Variants in LYPD1 observed in about 807,000 individuals in gnomAD.
LYPD1 encodes ly6/PLAUR domain-containing protein 1.
A neutral mutation model predicts 14.2 loss-of-function variants in LYPD1; 14 were observed. The ratio of observed to expected loss-of-function variants is 0.99; its 90% CI spans 0.65 to 1.54. The LOEUF is 1.54. LYPD1 is among the 40% of genes most tolerant of loss of function. LYPD1 has a pLI of 0.00. For synonymous variants in LYPD1, 85 were observed against 70.6 expected (o/e 1.20, Z -1.02); for missense variants, 165 against 175.7 (o/e 0.94, Z 0.34).
At position 132,646,207 on chromosome 2, in the gene LYPD1, G is replaced by A. The variant is rs1322680245; in HGVS notation, c.264C>T (p.Cys88=). Residue 88 remains cysteine (C), a synonymous_variant, in exon 3 of 3, where the codon TGC becomes TGT. Coordinates refer to ENST00000397463, the MANE Select transcript of LYPD1 (RefSeq NM_144586.7). Reference sequence around the variant, plus strand: ...AAACTGAGTTCAGTTTCCCTGGGGAGCAGAAGGACTGGTACCCGGCAGAGG... The same window carrying A: ...AAACTGAGTTCAGTTTCCCTGGGGAACAGAAGGACTGGTACCCGGCAGAGG... ...LIASAGYQSF[C]SPGKLNSVCI... 6.2e-7 allele frequency: 1 copy of A among 1,606,322 alleles called. No homozygotes were observed. Among genetic ancestry groups the A allele is most frequent in the Non-Finnish European group, 8.5e-7 (1 of 1,175,524 alleles).
intron 2 of LYPD1, among the ~76,000 whole-genome samples, chr2:132,648,205 C>T (rs1308741435): frequency 6.6e-6 from 1 of 152,218 alleles, no homozygotes; most frequent in Non-Finnish European, 1.5e-5. Flanking sequence ...AAAACATTAA[C>T]TGGCATTTAT....
chr2:132,649,559 A>C (rs1682272611), intron 2 of LYPD1, among the ~76,000 whole-genome samples: 2 of 152,186 alleles, frequency 1.3e-5, no homozygotes, highest in African/African-American at 4.8e-5. Flanking sequence ...ATGTGATTGA[A>C]TACCACACAG....
At chr2:132,650,300 G>GTTTA (rs1558875912) in intron 2 of LYPD1, among the ~76,000 whole-genome samples, 1 of 152,102 alleles carries the variant, frequency 6.6e-6, no homozygotes, top group Admixed American at 6.5e-5. Flanking sequence ...AGATTTAAAT[G>GTTTA]TTTATTATAA....
Position 132,670,010 on chromosome 2 carries a change from CGGCTGT to C in LYPD1, c.-84_-79del, listed in dbSNP as rs1683571911. On this transcript the variant is annotated 5_prime_UTR_variant, in exon 1 of 3. Transcript: ENST00000397463. The surrounding 1 kb of genome is among the most constrained non-coding windows in gnomAD (Gnocchi z 4.5). The stretch of plus-strand genomic sequence containing the variant: ...GCAGCGGAGGCTGCCCCGGCTGCAG[CGGCTGT>C]GGCTGCCGAGGCTGCTGGGGCCCGC... The C allele has an allele frequency of 6.3e-7, 1 of 1,578,878 alleles. No individual in the cohort carries two copies. The highest frequency in any genetic ancestry group is 2.3e-5 in the East Asian group (1 of 43,262).
At position 132,669,215 on chromosome 2, in the gene LYPD1, C is replaced by T. The variant is rs2104931366; in HGVS notation, c.52+666G>A. 6.6e-6 allele frequency among the ~76,000 whole-genome samples: 1 copy of T among 152,326 alleles called. No homozygotes were observed. The highest frequency in any genetic ancestry group is 1.9e-4 in the East Asian group (1 of 5,140). The stretch of plus-strand genomic sequence containing the variant: ...AGCGCGCGCACCCTGGATCCCCGAC[C>T]CCGCAGCCCTTTCTTCCAGGCCCCG... On this transcript the variant is annotated intron_variant, in intron 1 of 2. Coordinates refer to ENST00000397463, the MANE Select transcript of LYPD1 (RefSeq NM_144586.7). The surrounding 1 kb of genome is among the most constrained non-coding windows in gnomAD (Gnocchi z 4.3).
rs1682037192 is a variant in LYPD1 at position 132,645,797 on chromosome 2, C to T, written c.*248G>A. ...CAGCCTGGCCTTGACTCCGGTTACA[C>T]AGACATGGGGGTGAACTTTCACTCC... is the stretch of plus-strand genomic sequence containing the variant. On this transcript the variant is annotated 3_prime_UTR_variant, in exon 3 of 3. Coordinates refer to ENST00000397463, the MANE Select transcript of LYPD1 (RefSeq NM_144586.7). The T allele has an allele frequency of 3.8e-6, 3 of 792,188 alleles. No homozygotes were observed. Among genetic ancestry groups the T allele is most frequent in the Non-Finnish European group, 5.8e-6 (3 of 513,268 alleles). The allele number at this position is 792,188 out of a possible 1,614,324, so 49.1% of individuals were successfully genotyped here.
Position 132,645,238 on chromosome 2 carries a change from T to A in LYPD1, c.*807A>T. The A allele has an allele frequency of 6.2e-7, 1 of 1,614,024 alleles. No homozygotes were observed. The highest frequency in any genetic ancestry group is 8.5e-7 in the Non-Finnish European group (1 of 1,179,994). On this transcript the variant is annotated 3_prime_UTR_variant, in exon 3 of 3. Coordinates refer to ENST00000397463, the MANE Select transcript of LYPD1 (RefSeq NM_144586.7). ...GATCCTCCTCCCCTTCTCGGAGACG[T>A]TTTTCTACCTCAGCTCGGTCATCAA...
rs532302722 is a variant in LYPD1, at chr2:132,644,047, C to A, written c.*1998G>T. Among the ~76,000 whole-genome samples the A allele has an allele frequency of 2.6e-4, 39 of 152,164 alleles. No individual in the cohort carries two copies. Among genetic ancestry groups the A allele is most frequent in the African/African-American group, 9.2e-4 (38 of 41,444 alleles). Reference sequence around the variant, plus strand: ...TTACTGTGGGTGTCTTGGCTCCTTACGAAAAGAGAGAGCAAATGCTTCACA... The same window carrying A: ...TTACTGTGGGTGTCTTGGCTCCTTAAGAAAAGAGAGAGCAAATGCTTCACA... On this transcript the variant is annotated 3_prime_UTR_variant, in exon 3 of 3. Transcript: ENST00000397463.
At chr2:132,663,996 T>C (rs1683118112) in intron 2 of LYPD1, among the ~76,000 whole-genome samples, 1 of 152,208 alleles carries the variant, frequency 6.6e-6, no homozygotes, top group Non-Finnish European at 1.5e-5. Flanking sequence ...TATGCAAATA[T>C]ATATACAGGC....
chr2:132,670,474 G>C (rs1254903035), upstream of LYPD1, among the ~76,000 whole-genome samples: 12 of 152,160 alleles, frequency 7.9e-5, no homozygotes, highest in Admixed American at 7.9e-4. This position sits in a 1 kb window ranked among gnomAD's most constrained non-coding sequence, Gnocchi z 4.5. Context: ...AGCAGGTGCC[G>C]TGGGGACCTG....
At position 132,669,824 on chromosome 2, in the gene LYPD1, G is replaced by T; in HGVS notation, c.52+57C>A. 6.3e-7 allele frequency: 1 copy of T among 1,598,964 alleles called. No homozygotes were observed. The highest frequency in any genetic ancestry group is 8.5e-7 in the Non-Finnish European group (1 of 1,172,522). Reference sequence around the variant, plus strand: ...GGGCGCCTTGGGGGCAAAAGGGCTGGCGGGTAGATGGATTGTGCGCACCTG... The same window carrying T: ...GGGCGCCTTGGGGGCAAAAGGGCTGTCGGGTAGATGGATTGTGCGCACCTG... On this transcript the variant is annotated intron_variant, in intron 1 of 2. Transcript: ENST00000397463. The surrounding 1 kb of genome is among the most constrained non-coding windows in gnomAD (Gnocchi z 4.3).
At chr2:132,647,776 G>T (rs559998876) in intron 2 of LYPD1, among the ~76,000 whole-genome samples, 1 of 152,272 alleles carries the variant, frequency 6.6e-6, no homozygotes, top group African/African-American at 2.4e-5. Context: ...AGCAGCCGGG[G>T]CTCCTTACCC....
Position 132,644,931 on chromosome 2 carries a change from T to C in LYPD1, c.*1114A>G. On this transcript the variant is annotated 3_prime_UTR_variant, in exon 3 of 3. Transcript: ENST00000397463. ...TTTGAAACAGTGTTAAATTCTCTCT[T>C]GCTTGTGGCAAAAGAAGCTGTCAAG... The C allele has an allele frequency of 1.4e-6, 1 of 702,746 alleles. No homozygotes were observed. Among genetic ancestry groups the C allele is most frequent in the East Asian group, 2.7e-5 (1 of 36,534 alleles). 43.5% of individuals were successfully genotyped at this position (702,746 alleles called of 1,614,324 possible). A position where few individuals can be genotyped will look rare whatever the true frequency, so the allele number is the denominator to read the frequency against.
intron 2 of LYPD1, among the ~76,000 whole-genome samples, chr2:132,649,508 G>T (rs1682270961): frequency 6.6e-6 from 1 of 152,192 alleles, no homozygotes; most frequent in Non-Finnish European, 1.5e-5. Flanking sequence ...GGACAAACGG[G>T]AATGGTTTTG....
chr2:132,670,048 G>A lies in LYPD1; in HGVS notation c.-116C>T, dbSNP rs757979698. The A allele has an allele frequency of 5.8e-6, 9 of 1,538,948 alleles. No homozygotes were observed. Among genetic ancestry groups the A allele is most frequent in the Non-Finnish European group, 7.8e-6 (9 of 1,152,452 alleles). On this transcript the variant is annotated 5_prime_UTR_variant, in exon 1 of 3. Transcript: ENST00000397463. The surrounding 1 kb of genome is among the most constrained non-coding windows in gnomAD (Gnocchi z 4.5). ...CGAGGCTGCTGGGGCCCGCGCTGCT[G>A]CCGCGGAGACGACGGTCGTAGCTTA...
rs376874164 is a variant in LYPD1 at position 132,645,050 on chromosome 2, A to C, written c.*995T>G. The C allele has an allele frequency of 3.1e-5, 48 of 1,563,068 alleles. No individual in the cohort carries two copies. The highest frequency in any genetic ancestry group is 4.2e-5 in the Non-Finnish European group (48 of 1,151,776). ...GGTTTTATTCATTTACTGTGTTCTC[A>C]TGCTGTGTTTTTCTTTTCTCTGTCT... On this transcript the variant is annotated 3_prime_UTR_variant, in exon 3 of 3. Coordinates refer to ENST00000397463, the MANE Select transcript of LYPD1 (RefSeq NM_144586.7).
chr2:132,669,835 G>A lies in LYPD1; in HGVS notation c.52+46C>T. On this transcript the variant is annotated intron_variant, in intron 1 of 2. Coordinates refer to ENST00000397463, the MANE Select transcript of LYPD1 (RefSeq NM_144586.7). The surrounding 1 kb of genome is among the most constrained non-coding windows in gnomAD (Gnocchi z 4.3). Reference sequence around the variant, plus strand: ...GGGCAAAAGGGCTGGCGGGTAGATGGATTGTGCGCACCTGGCCTCGGCTGC... The same window carrying A: ...GGGCAAAAGGGCTGGCGGGTAGATGAATTGTGCGCACCTGGCCTCGGCTGC... 6.2e-7 allele frequency: 1 copy of A among 1,606,388 alleles called. No homozygotes were observed.
intron 2 of LYPD1, 75 bp from the exon 3 acceptor site, chr2:132,646,355 A>G (rs2104890374): frequency 9.7e-7 from 1 of 1,028,854 alleles, no homozygotes; most frequent in East Asian, 3.0e-5. Context: ...GCCCAAATCC[A>G]AACGGACAGC....
At position 132,669,953 on chromosome 2, in the gene LYPD1, G is replaced by A; in HGVS notation, c.-21C>T. 6.2e-7 allele frequency: 1 copy of A among 1,611,128 alleles called. No homozygotes were observed. The highest frequency in any genetic ancestry group is 8.5e-7 in the Non-Finnish European group (1 of 1,179,188). ...CACATTCTCCCGGAGTCCCGGGGCC[G>A]GGAGAGGGCAAGCGCATCAGAGGAG... On this transcript the variant is annotated 5_prime_UTR_variant, in exon 1 of 3. Coordinates refer to ENST00000397463, the MANE Select transcript of LYPD1 (RefSeq NM_144586.7). This position sits in a 1 kb window ranked among gnomAD's most constrained non-coding sequence, Gnocchi z 4.3.
Sources: allele counts gnomAD v4.1 joint callset (sites outside exome capture counted in the v4.1 genomes callset), GRCh38; gene constraint gnomAD v4.1.1; non-coding constraint Gnocchi (gnomAD v3.1); transcripts MANE v1.5; gene names NCBI Gene and HGNC (gene_info 2026-07-23, HGNC 2026-07-21).